The following POTEE variants were observed in gnomAD, a reference collection of about 807,000 sequenced individuals.
POTEE encodes the protein POTE ankyrin domain family member E, also known as ANKRD26-like family C member 1A.
Under a neutral mutation model 74.2 loss-of-function variants are expected in POTEE, and 21 were observed. That is an observed-to-expected ratio of 0.28 (90% CI 0.20 to 0.41). POTEE has a LOEUF of 0.41. Ranked by LOEUF, POTEE falls within the 10% of genes least tolerant of loss-of-function variation. POTEE has a pLI of 1.00. For missense variants in POTEE, 525 were observed against 1,158.6 expected (o/e 0.45, Z 7.94); for synonymous variants, 211 against 432.8 (o/e 0.49, Z 6.36).
intron 12 of POTEE, among the ~76,000 whole-genome samples, chr2:131,243,561 A>G (rs1295773344): frequency 2.0e-5 from 3 of 152,290 alleles, no homozygotes; most frequent in Non-Finnish European, 4.4e-5. Context: ...TCCTGTGTAT[A>G]TTGTTTGATT....
intron 9 of POTEE, among the ~76,000 whole-genome samples, chr2:131,235,626 T>A (rs1701104529): frequency 6.6e-6 from 1 of 151,698 alleles, no homozygotes; most frequent in Non-Finnish European, 1.5e-5. Context: ...ACCCCGTCTC[T>A]ACTAAAAACA....
At chr2:131,218,252 G>A in intron 3 of POTEE, 58 bp from the exon 4 acceptor site, 1 of 1,431,388 alleles carries the variant, frequency 7.0e-7, no homozygotes, top group Non-Finnish European at 9.4e-7. Context: ...GGGCTGGGCT[G>A]GAATCCCCTG....
At chr2:131,233,977 A>C (rs1425779409) in intron 9 of POTEE, among the ~76,000 whole-genome samples, 1 of 151,360 alleles carries the variant, frequency 6.6e-6, no homozygotes, top group African/African-American at 2.5e-5. Flanking sequence ...TGGAAAATTC[A>C]TGTAGGATAT....
chr2:131,217,811 G>A lies in POTEE; in HGVS notation c.-94+128G>A, dbSNP rs575805813. Among the ~76,000 whole-genome samples the A allele has an allele frequency of 4.6e-5, 7 of 150,704 alleles. 1 individual carries two copies. The South Asian group carries it at 1.5e-3, about 32-fold the overall frequency. ...GCGCACGCCCGGCAGCAGCTTGCTG[G>A]CTTGTAACGGCTTGCACGCGCACGC... On this transcript the variant is annotated intron_variant, in intron 3 of 17. Transcript: ENST00000683005.
chr2:131,215,264 AATAT>A (rs1376237740), intron 2 of POTEE, among the ~76,000 whole-genome samples: 1 of 152,170 alleles, frequency 6.6e-6, no homozygotes, highest in Non-Finnish European at 1.5e-5. Context: ...TATGTAAATA[AATAT>A]AATTATGAGA....
intron 8 of POTEE, chr2:131,229,717 A>T (rs1387785529): frequency 1.3e-5 from 2 of 152,206 alleles, no homozygotes; most frequent in Non-Finnish European, 2.9e-5. Flanking sequence ...TATTTTGTGC[A>T]GTCACTGGAA....
At chr2:131,235,797 A>AG (rs1231249658) in intron 9 of POTEE, among the ~76,000 whole-genome samples, 2 of 146,682 alleles carry the variant, frequency 1.4e-5, no homozygotes, top group Admixed American at 6.7e-5. Context: ...TGGCTCAAAA[A>AG]AAAAAAAAAA....
At chr2:131,214,497 A>G (rs945179706) in intron 2 of POTEE, among the ~76,000 whole-genome samples, 1 of 152,272 alleles carries the variant, frequency 6.6e-6, no homozygotes, top group African/African-American at 2.4e-5. Flanking sequence ...TGGTTCATAA[A>G]GTGGGAAAGA....
At chr2:131,233,579 A>G (rs1701032595) in intron 9 of POTEE, among the ~76,000 whole-genome samples, 1 of 96,108 alleles carries the variant, frequency 1.0e-5, no homozygotes, top group Admixed American at 1.2e-4. Flanking sequence ...TAGGAATCTC[A>G]ACTACTTGTT....
At chr2:131,210,397 G>A (rs1374288735) in intron 1 of POTEE, among the ~76,000 whole-genome samples, 3 of 149,954 alleles carry the variant, frequency 2.0e-5, no homozygotes, top group Non-Finnish European at 4.4e-5. Flanking sequence ...TGTGCTGTCC[G>A]GGGGCTACAC....
At chr2:131,221,241 G>A (rs1210352836) in intron 4 of POTEE, among the ~76,000 whole-genome samples, 4 of 151,914 alleles carry the variant, frequency 2.6e-5, no homozygotes, top group South Asian at 2.1e-4. Flanking sequence ...AGATTTCATG[G>A]ACAAATTTCA....
intron 16 of POTEE, among the ~76,000 whole-genome samples, chr2:131,257,101 C>T (rs867541784): frequency 0.05 from 6,368 of 128,540 alleles, 59 homozygotes; most frequent in African/African-American, 0.19. Flanking sequence ...CCCAACTTTC[C>T]CACCACCCTT....
intron 9 of POTEE, among the ~76,000 whole-genome samples, chr2:131,236,362 C>T (rs531618664): frequency 9.9e-4 from 151 of 152,150 alleles, no homozygotes; most frequent in African/African-American, 3.6e-3. Flanking sequence ...GTCAGACTAG[C>T]TAAGTGCGGG....
chr2:131,235,344 C>T (rs1380208608), intron 9 of POTEE, among the ~76,000 whole-genome samples: 5 of 152,004 alleles, frequency 3.3e-5, no homozygotes, highest in South Asian at 2.1e-4. Flanking sequence ...TTGGAGCAGA[C>T]GGGACAGACA....
At chr2:131,236,318 C>T (rs1701132014) in intron 9 of POTEE, among the ~76,000 whole-genome samples, 1 of 152,052 alleles carries the variant, frequency 6.6e-6, no homozygotes, top group Non-Finnish European at 1.5e-5. Context: ...GTCACCACGA[C>T]CTTTCCTGGG....
intron 2 of POTEE, among the ~76,000 whole-genome samples, chr2:131,212,602 T>C (rs1402242493): frequency 8.4e-6 from 1 of 118,690 alleles, no homozygotes; most frequent in Non-Finnish European, 1.7e-5. Context: ...TTTGCTCTTG[T>C]TGCCCAGGCT....
At chr2:131,229,823 A>C (rs1299281628) in intron 8 of POTEE, 1 of 152,196 alleles carries the variant, frequency 6.6e-6, no homozygotes, top group Non-Finnish European at 1.5e-5. Context: ...TTTGTGCTGC[A>C]AAAATAGTCA....
At chr2:131,236,114 T>A (rs1323256233) in intron 9 of POTEE, among the ~76,000 whole-genome samples, 3 of 152,092 alleles carry the variant, frequency 2.0e-5, no homozygotes, top group African/African-American at 7.3e-5. Flanking sequence ...TAGTGACAGT[T>A]TTGCAACCTC....
rs757309878 is a variant in POTEE at position 131,263,420 on chromosome 2, T to C, written c.1965T>C (p.Ile655=). 11 of 1,611,704 alleles carry C rather than the reference T, an allele frequency of 6.8e-6. No individual in the cohort carries two copies. In the Admixed American group the frequency reaches 8.3e-5, roughly 12 times the overall value. The change falls in exon 18 of 18, where the codon ATT becomes ATC. Residue 655 remains isoleucine (I), a synonymous_variant. Coordinates refer to ENST00000683005, the MANE Select transcript of POTEE (RefSeq NM_001083538.3). ...AAAATAGTACGTTGCGGGAAGAAAT[T>C]GCCATGCTAAGACTGGAGCTAGACA... ...LHENSTLREE[I]AMLRLELDTM...
Sources: allele counts gnomAD v4.1 joint callset (sites outside exome capture counted in the v4.1 genomes callset), GRCh38; gene constraint gnomAD v4.1.1; transcripts MANE v1.5; gene names NCBI Gene and HGNC (gene_info 2026-07-23, HGNC 2026-07-21).